NAXD: variants seen among roughly 807,000 people sequenced by gnomAD.
NAXD encodes ATP-dependent (S)-NAD(P)H-hydrate dehydratase.
Under a neutral mutation model 35.8 loss-of-function variants are expected in NAXD, and 22 were observed. That is an observed-to-expected ratio of 0.62 (90% CI 0.44 to 0.88). The LOEUF is 0.88. NAXD is among the 40% of genes least tolerant of loss of function. The pLI, the probability that NAXD is intolerant of heterozygous loss-of-function variation, is 0.00. For synonymous variants in NAXD, 189 were observed against 177.6 expected (o/e 1.06, Z -0.51); for missense variants, 428 against 437.7 (o/e 0.98, Z 0.20).
chr13:110,631,977 A>G (rs1392354483), intron 5 of NAXD, among the ~76,000 whole-genome samples: 1 of 152,228 alleles, frequency 6.6e-6, no homozygotes, highest in Non-Finnish European at 1.5e-5. Context: ...TTAGTTTTCA[A>G]TACTTTAAAT....
At chr13:110,617,886 G>A (rs1886120119) in intron 1 of NAXD, among the ~76,000 whole-genome samples, 1 of 152,194 alleles carries the variant, frequency 6.6e-6, no homozygotes, top group Non-Finnish European at 1.5e-5. Context: ...CATCGAACAT[G>A]TATCAAGTGT....
At chr13:110,626,000 G>A (rs907484962) in intron 4 of NAXD, among the ~76,000 whole-genome samples, 1 of 152,146 alleles carries the variant, frequency 6.6e-6, no homozygotes, top group African/African-American at 2.4e-5. Context: ...CGCCTGGGTC[G>A]AGCCCGGCCT....
chr13:110,634,693 C>G lies in NAXD; in HGVS notation c.514C>G (p.Gln172Glu). 3.1e-6 allele frequency: 5 copies of G among 1,614,140 alleles called. No homozygotes were observed. The highest frequency in any genetic ancestry group is 4.2e-6 in the Non-Finnish European group (5 of 1,180,014). ...GCAGGATGGCCTGTGGCTGGTCGCT[C>G]AGCAGCCGGCCCTCATCCATGGCTA... ...IDADGLWLVA[Q>E]QPALIHGYRK... Residue 172 changes from glutamine (Q) to glutamate (E), a missense_variant, in exon 7 of 10, where the codon CAG becomes GAG. Transcript: ENST00000680254.
chr13:110,625,130 G>C (rs1004501176), intron 3 of NAXD, 60 bp from the exon 4 acceptor site: 32 of 1,259,150 alleles, frequency 2.5e-5, no homozygotes, highest in Non-Finnish European at 3.0e-5. Context: ...GCCTGTGTCT[G>C]GCGGGTGGGC....
chr13:110,633,060 C>T (rs1037597625), intron 5 of NAXD, among the ~76,000 whole-genome samples: 1 of 152,164 alleles, frequency 6.6e-6, no homozygotes, highest in Non-Finnish European at 1.5e-5. Context: ...GTCGATGGGA[C>T]TGGGTGCCGT....
rs1379360511 is a variant in NAXD, at chr13:110,628,618, C to T, written c.441+1071C>T. Among the ~76,000 whole-genome samples, 1 of 152,150 alleles carries T rather than the reference C, an allele frequency of 6.6e-6. No homozygotes were observed. The highest frequency in any genetic ancestry group is 1.5e-5 in the Non-Finnish European group (1 of 68,038). On this transcript the variant is annotated intron_variant, in intron 5 of 9. Transcript: ENST00000680254. This position sits in a 1 kb window ranked among gnomAD's most constrained non-coding sequence, Gnocchi z 4.1. The stretch of plus-strand genomic sequence containing the variant: ...GGCAGGCAGACGCAGGCTGACACTG[C>T]ACAGACCAGGAAAAGCGGCGTGGAG...
At chr13:110,636,172 C>T (rs1464574653) in intron 8 of NAXD, among the ~76,000 whole-genome samples, 1 of 152,210 alleles carries the variant, frequency 6.6e-6, no homozygotes, top group Non-Finnish European at 1.5e-5. Flanking sequence ...ATCTGGGGAG[C>T]CGTGCCCTTG....
intron 1 of NAXD, 189 bp downstream of exon 1, chr13:110,615,836 C>G: frequency 7.9e-7 from 1 of 1,261,024 alleles, no homozygotes; most frequent in Non-Finnish European, 1.0e-6. Flanking sequence ...AGGGGCAGCC[C>G]GCGCGCGGGG....
chr13:110,625,478 GGTGGGGGAGCT>G (rs1488152445), intron 4 of NAXD, among the ~76,000 whole-genome samples, 200 bp downstream of exon 4: 1 of 152,238 alleles, frequency 6.6e-6, no homozygotes, highest in Admixed American at 6.5e-5. Flanking sequence ...TGGAGAGGTG[GGTGGGGGAGCT>G]TGGGCCTGTT....
In NAXD at chr13:110,615,626, G is replaced by A. The variant is rs1886015488; in HGVS notation, c.25G>A (p.Ala9Thr). Residue 9 changes from alanine (A) to threonine (T), a missense_variant, in exon 1 of 10, where the codon GCA becomes ACA. Ala to Thr is a moderately conservative substitution (Grantham distance 58). This residue lies in a region of NAXD where 208 missense variants were observed against 193.0 expected (regional missense o/e 1.08). Transcript: ENST00000680254. MALGPRCGAIRACRRVLER... is the reference protein window; with the variant it reads MALGPRCGTIRACRRVLER... Reference sequence around the variant, plus strand: ...GATGGCCCTGGGTCCTCGCTGTGGGGCAATCCGGGCTTGCAGACGAGGTAA... The same window carrying A: ...GATGGCCCTGGGTCCTCGCTGTGGGACAATCCGGGCTTGCAGACGAGGTAA... The A allele has an allele frequency of 5.4e-6, 8 of 1,478,732 alleles. No homozygotes were observed. Among genetic ancestry groups the A allele is most frequent in the African/African-American group, 2.9e-5 (2 of 68,590 alleles). The allele number at this position is 1,478,732 out of a possible 1,614,324, so 91.6% of individuals were successfully genotyped here.
chr13:110,634,441 G>A, intron 5 of NAXD, 104 bp from the exon 6 acceptor site: 1 of 1,215,740 alleles, frequency 8.2e-7, no homozygotes, highest in Non-Finnish European at 1.2e-6. Flanking sequence ...CCACCTCCCA[G>A]GACCCTTCCC....
At chr13:110,618,393 C>T (rs1006196508) in intron 1 of NAXD, among the ~76,000 whole-genome samples, 2 of 152,164 alleles carry the variant, frequency 1.3e-5, no homozygotes, top group Non-Finnish European at 2.9e-5. Flanking sequence ...GCGACTCCCG[C>T]TGGTGGGTTG....
chr13:110,621,124 C>T (rs1353643540), intron 1 of NAXD, among the ~76,000 whole-genome samples: 1 of 152,084 alleles, frequency 6.6e-6, no homozygotes, highest in Non-Finnish European at 1.5e-5. Flanking sequence ...TTTAGAATGC[C>T]ATTTCTAGGT....
At chr13:110,627,756 T>A (rs1886549322) in intron 5 of NAXD, among the ~76,000 whole-genome samples, 1 of 152,188 alleles carries the variant, frequency 6.6e-6, no homozygotes. Flanking sequence ...CCCGACTGTT[T>A]TCTCATGGAG....
At position 110,637,185 on chromosome 13, in the gene NAXD, C is replaced by T. The variant is rs1291284717; in HGVS notation, c.775C>T (p.Leu259=). The T allele has an allele frequency of 6.2e-7, 1 of 1,613,924 alleles. No homozygotes were observed. Among genetic ancestry groups the T allele is most frequent in the African/African-American group, 1.3e-5 (1 of 74,958 alleles). ...CAGGTGTGGAGGGCAAGGGGACCTC[C>T]TGTCGGGCTCCCTGGGCGTCCTGGT... ...SRRCGGQGDL[L]SGSLGVLVHW... Residue 259 remains leucine (L), a synonymous_variant, in exon 9 of 10, where the codon CTG becomes TTG. Transcript: ENST00000680254.
At position 110,637,136 on chromosome 13, in the gene NAXD, G is replaced by C; in HGVS notation, c.726G>C (p.Val242=). ...CACTTCTGCCCTGTGCAGTGCTTGT[G>C]TGCAGCCAGGAAGGCAGCAGCCGCA... The part of the protein sequence containing the change: ...DILSNGQQVL[V]CSQEGSSRRC... Residue 242 remains valine (V), a synonymous_variant, in exon 9 of 10, where the codon GTG becomes GTC. Coordinates refer to ENST00000680254, the MANE Select transcript of NAXD (RefSeq NM_001242882.2). 6.2e-7 allele frequency: 1 copy of C among 1,613,246 alleles called. No individual in the cohort carries two copies. Among genetic ancestry groups the C allele is most frequent in the Non-Finnish European group, 8.5e-7 (1 of 1,179,754 alleles).
rs532188878 is a variant in NAXD, at chr13:110,638,481, A to G, written c.943A>G (p.Met315Val). 51 of 1,613,112 alleles carry G rather than the reference A, an allele frequency of 3.2e-5. No individual in the cohort carries two copies. In the South Asian group the frequency reaches 4.8e-4, roughly 15 times the overall value. The change falls in exon 10 of 10, where the codon ATG becomes GTG. Residue 315 changes from methionine to valine, a missense_variant. Coordinates refer to ENST00000680254, the MANE Select transcript of NAXD (RefSeq NM_001242882.2). The surrounding 1 kb of genome is among the most constrained non-coding windows in gnomAD (Gnocchi z 5.4). ...KHGRSTTTSD[M>V]IAEVGAAFSK... ...CGGTCGCTCCACCACCACCTCCGAC[A>G]TGATCGCCGAGGTGGGGGCCGCCTT...
intron 5 of NAXD, among the ~76,000 whole-genome samples, chr13:110,631,261 A>G (rs1287729538): frequency 6.6e-6 from 1 of 152,174 alleles, no homozygotes; most frequent in Non-Finnish European, 1.5e-5. Context: ...ATTATTTTTA[A>G]CAGCCACATC....
At chr13:110,637,924 G>T in intron 9 of NAXD, 1 of 524,820 alleles carries the variant, frequency 1.9e-6, no homozygotes, top group Non-Finnish European at 3.6e-6. Context: ...GGAGGTAGGG[G>T]TGTGGGCAGG....
Sources: gnomAD v4.1 joint callset for allele counts (sites outside exome capture counted in the v4.1 genomes callset) on GRCh38, gnomAD v4.1.1 for gene constraint, gnomAD v4.1.1 regional missense constraint, Gnocchi (gnomAD v3.1) non-coding constraint, MANE v1.5 for transcripts, NCBI Gene and HGNC (gene_info 2026-07-23, HGNC 2026-07-21) for gene names.